MARK1: variants seen among roughly 807,000 people sequenced by gnomAD.
MARK1 encodes the protein serine/threonine-protein kinase MARK1.
In MARK1, 40 loss-of-function variants were observed where a neutral mutation model predicts 96.3. That is an observed-to-expected ratio of 0.42 (90% CI 0.32 to 0.54). The LOEUF (loss-of-function observed/expected upper bound fraction) is 0.54. Ranked by LOEUF, MARK1 falls within the 20% of genes least tolerant of loss-of-function variation. MARK1 has a pLI of 0.16. For synonymous variants in MARK1, 317 were observed against 341.2 expected (o/e 0.93, Z 0.78); for missense variants, 719 against 984.6 (o/e 0.73, Z 3.61).
At chr1:220,558,434 T>G (rs2102767533) in intron 1 of MARK1, among the ~76,000 whole-genome samples, 1 of 147,812 alleles carries the variant, frequency 6.8e-6, no homozygotes, top group South Asian at 2.1e-4. Flanking sequence ...ACTCTCTTAT[T>G]TAAAAAAATA....
chr1:220,579,629 CAT>C (rs1664097720), intron 2 of MARK1, 72 bp downstream of exon 2: 1 of 1,218,468 alleles, frequency 8.2e-7, no homozygotes, highest in Non-Finnish European at 1.2e-6. Context: ...CCTTATAGCC[CAT>C]GTTTGGGAGT....
chr1:220,608,534 G>GT (rs1000648576), intron 6 of MARK1, among the ~76,000 whole-genome samples: 3 of 151,988 alleles, frequency 2.0e-5, no homozygotes, highest in Admixed American at 1.3e-4. Context: ...TTTTTGAAGG[G>GT]TTTTTTTATG....
chr1:220,631,178 A>C (rs1667662881), intron 10 of MARK1, 44 bp downstream of exon 10: 1 of 1,368,008 alleles, frequency 7.3e-7, no homozygotes, highest in African/African-American at 1.4e-5. Flanking sequence ...CTAGGCAACA[A>C]GTAAGAGTCC....
chr1:220,566,287 T>C (rs1189298013), intron 1 of MARK1, among the ~76,000 whole-genome samples: 1 of 152,072 alleles, frequency 6.6e-6, no homozygotes, highest in Non-Finnish European at 1.5e-5. Context: ...TAGGACAAAA[T>C]GGAAGAGAAG....
intron 1 of MARK1, among the ~76,000 whole-genome samples, chr1:220,565,682 TGTA>T (rs1663000858): frequency 6.6e-6 from 1 of 152,164 alleles, no homozygotes; most frequent in Non-Finnish European, 1.5e-5. Context: ...CTGGCCTTGT[TGTA>T]GTAGCCAGTG....
chr1:220,552,814 G>A (rs1661957528), intron 1 of MARK1, among the ~76,000 whole-genome samples: 2 of 152,210 alleles, frequency 1.3e-5, no homozygotes, highest in Non-Finnish European at 2.9e-5. Flanking sequence ...ACCTGTCACT[G>A]GGTGACTGGG....
At position 220,653,113 on chromosome 1, in the gene MARK1, A is replaced by C; in HGVS notation, c.1749A>C (p.Arg583Ser). 1 of 1,614,196 alleles carries C rather than the reference A, an allele frequency of 6.2e-7. No individual in the cohort carries two copies. The highest frequency in any genetic ancestry group is 8.5e-7 in the Non-Finnish European group (1 of 1,180,024). The change falls in exon 16 of 18, where the codon AGA becomes AGC. Residue 583 changes from arginine (R) to serine (S), a missense_variant. This residue lies in a region of MARK1 where 501 missense variants were observed against 588.3 expected (regional missense o/e 0.85). Coordinates refer to ENST00000366917, the MANE Select transcript of MARK1 (RefSeq NM_018650.5). Reference protein sequence around the residue: ...SEAYRPGTTQRVPAASPSAHS... With the variant: ...SEAYRPGTTQSVPAASPSAHS... ...TTTGTCCCAGCAGTACAACCCAGAG[A>C]GTGCCTGCTGCTTCCCCATCTGCTC...
chr1:220,586,895 T>A (rs1664662085), intron 3 of MARK1, among the ~76,000 whole-genome samples: 2 of 152,220 alleles, frequency 1.3e-5, no homozygotes, highest in South Asian at 4.1e-4. Context: ...TTTTTAATTT[T>A]TGGATGGGGA....
At chr1:220,658,885 A>T (rs1170177505) in intron 17 of MARK1, among the ~76,000 whole-genome samples, 1 of 152,170 alleles carries the variant, frequency 6.6e-6, no homozygotes, top group African/African-American at 2.4e-5. Context: ...GAGCAAGACA[A>T]ATATTCTTCA....
intron 6 of MARK1, among the ~76,000 whole-genome samples, chr1:220,613,182 G>A (rs980250754): frequency 1.4e-4 from 22 of 152,148 alleles, no homozygotes; most frequent in Non-Finnish European, 1.5e-5. Flanking sequence ...AAATAATGCA[G>A]TAAAAATTGG....
intron 1 of MARK1, among the ~76,000 whole-genome samples, chr1:220,558,551 CAT>C (rs1662451254): frequency 6.6e-6 from 1 of 151,780 alleles, no homozygotes; most frequent in Non-Finnish European, 1.5e-5. Context: ...AAGAATCTGA[CAT>C]ATCAATATTA....
At position 220,653,229 on chromosome 1, in the gene MARK1, G is replaced by A. The variant is rs1668982762; in HGVS notation, c.1865G>A (p.Arg622Gln). The change falls in exon 16 of 18, where the codon CGA becomes CAA. Residue 622 changes from arginine to glutamine, a missense_variant. Physicochemically the swap from Arg to Gln is conservative, Grantham distance 43. This residue lies in a region of MARK1 where 501 missense variants were observed against 588.3 expected (regional missense o/e 0.85). Transcript: ENST00000366917. ...STFHGEQLRE[R>Q]RSVAYNGPPA... ...TTCCATGGTGAACAGCTCCGGGAGC[G>A]ACGCAGCGTTGCTTATAATGGGCCA... The A allele has an allele frequency of 1.9e-6, 3 of 1,614,074 alleles. No homozygotes were observed. The highest frequency in any genetic ancestry group is 2.5e-6 in the Non-Finnish European group (3 of 1,180,050).
chr1:220,613,616 A>G (rs774799430), intron 6 of MARK1, among the ~76,000 whole-genome samples: 20 of 152,352 alleles, frequency 1.3e-4, no homozygotes, highest in Non-Finnish European at 2.4e-4. Context: ...ATATGAACAT[A>G]CTATAACCTA....
intron 1 of MARK1, among the ~76,000 whole-genome samples, chr1:220,529,208 A>G (rs1000514551): frequency 3.9e-5 from 6 of 152,148 alleles, no homozygotes; most frequent in Admixed American, 6.5e-5. Context: ...CTACCTCTGC[A>G]TTCTGTGCCC....
At position 220,618,843 on chromosome 1, in the gene MARK1, G is replaced by C. The variant is rs549228407; in HGVS notation, c.909+88G>C. The stretch of plus-strand genomic sequence containing the variant: ...AGCATTTTTCTCCTATGTTTTCTTA[G>C]GAAAATTGCCAAATTATCTAATCTG... On this transcript the variant is annotated intron_variant, in intron 9 of 17. Transcript: ENST00000366917. This position sits in a 1 kb window ranked among gnomAD's most constrained non-coding sequence, Gnocchi z 4.6. 5.2e-5 allele frequency: 61 copies of C among 1,170,054 alleles called. No homozygotes were observed. Among genetic ancestry groups the C allele is most frequent in the South Asian group, 5.0e-4 (30 of 59,660 alleles). 72.5% of individuals were successfully genotyped at this position (1,170,054 alleles called of 1,614,324 possible). A position where few individuals can be genotyped will look rare whatever the true frequency, so the allele number is the denominator to read the frequency against.
At chr1:220,549,376 G>A (rs996335982) in intron 1 of MARK1, among the ~76,000 whole-genome samples, 4 of 152,218 alleles carry the variant, frequency 2.6e-5, no homozygotes, top group African/African-American at 9.6e-5. Context: ...AGTGCTAGCT[G>A]CTGATGCTGC....
chr1:220,551,123 T>C (rs776171688), intron 1 of MARK1, among the ~76,000 whole-genome samples: 2 of 152,224 alleles, frequency 1.3e-5, no homozygotes, highest in Non-Finnish European at 2.9e-5. Context: ...ACCTGGAGGA[T>C]AAGCTGGTGC....
chr1:220,624,020 A>G (rs763723700), intron 9 of MARK1, among the ~76,000 whole-genome samples: 8 of 152,210 alleles, frequency 5.3e-5, no homozygotes, highest in Admixed American at 3.3e-4. Context: ...TGTGTATTCA[A>G]ATAGTTTTGG....
chr1:220,616,215 C>T (rs774760826), intron 7 of MARK1, among the ~76,000 whole-genome samples: 5 of 152,042 alleles, frequency 3.3e-5, no homozygotes, highest in Admixed American at 6.6e-5. Flanking sequence ...AGAAGTTAGA[C>T]GATTTGATTC....
Sources: allele counts gnomAD v4.1 joint callset (sites outside exome capture counted in the v4.1 genomes callset), GRCh38; gene constraint gnomAD v4.1.1; regional missense constraint gnomAD v4.1.1; non-coding constraint Gnocchi (gnomAD v3.1); transcripts MANE v1.5; gene names NCBI Gene and HGNC (gene_info 2026-07-23, HGNC 2026-07-21).